The following EYS variants were observed in gnomAD, a reference collection of about 807,000 sequenced individuals.
The protein encoded by EYS is EGF-like photoreceptor maintenance factor, also known as protein eyes shut homolog.
In EYS, 250 loss-of-function variants were observed where a neutral mutation model predicts 282.1. The observed-to-expected ratio is 0.89, with a 90% CI of 0.80 to 0.98. The LOEUF is 0.98. EYS is among the 50% of genes least tolerant of loss of function. EYS has a pLI of 0.00. For missense variants in EYS, 4,016 were observed against 3,709.0 expected, an observed-to-expected ratio of 1.08 and a Z score of -2.15; for synonymous variants, 1,355 against 1,282.9, an observed-to-expected ratio of 1.06 and a Z score of -1.20.
At chr6:65,180,895 T>C (rs1333166753) in intron 12 of EYS, among the ~76,000 whole-genome samples, 1 of 152,092 alleles carries the variant, frequency 6.6e-6, no homozygotes, top group Non-Finnish European at 1.5e-5. Context: ...CCCTCATAAA[T>C]AATGCTGCAT....
At chr6:64,701,600 A>C (rs1770793303) in intron 22 of EYS, among the ~76,000 whole-genome samples, 1 of 152,114 alleles carries the variant, frequency 6.6e-6, no homozygotes, top group African/African-American at 2.4e-5. Context: ...AACAACTTAG[A>C]AAATCAAATA....
At chr6:64,190,751 T>A (rs1226681485) in intron 31 of EYS, among the ~76,000 whole-genome samples, 1 of 152,144 alleles carries the variant, frequency 6.6e-6, no homozygotes, top group Non-Finnish European at 1.5e-5. Context: ...TAGGGTAGGA[T>A]CATAAGGTAA....
In EYS at chr6:64,123,903, A is replaced by T. The variant is rs193096593; in HGVS notation, c.6425-41901T>A. Among the ~76,000 whole-genome samples the T allele has an allele frequency of 7.2e-5, 11 of 152,308 alleles. No individual in the cohort carries two copies. In the East Asian group the frequency reaches 1.7e-3, roughly 24 times the overall value. On this transcript the variant is annotated intron_variant, in intron 31 of 42. Transcript: ENST00000503581. The stretch of plus-strand genomic sequence containing the variant: ...TTCCCATTTCCAGGCTCCAGTGAAA[A>T]TTCTTTCCTTGGGCTCAGTACATCC...
chr6:63,928,995 A>G (rs1764807907), intron 35 of EYS, among the ~76,000 whole-genome samples: 1 of 152,244 alleles, frequency 6.6e-6, no homozygotes, highest in African/African-American at 2.4e-5. Flanking sequence ...CAAGAGCATC[A>G]GTAATAATTT....
intron 13 of EYS, among the ~76,000 whole-genome samples, chr6:65,032,653 G>A (rs975544091): frequency 3.3e-5 from 5 of 151,948 alleles, no homozygotes; most frequent in Admixed American, 1.3e-4. Flanking sequence ...CCTGCAGAAC[G>A]GTGAGCTAAT....
At chr6:63,827,618 G>A (rs923763134) in intron 36 of EYS, among the ~76,000 whole-genome samples, 4 of 152,112 alleles carry the variant, frequency 2.6e-5, no homozygotes, top group Non-Finnish European at 5.9e-5. Context: ...GCCGAGGCGG[G>A]TGGATCATGA....
intron 18 of EYS, among the ~76,000 whole-genome samples, chr6:64,889,927 C>T (rs992891883): frequency 6.6e-6 from 1 of 151,868 alleles, no homozygotes; most frequent in Admixed American, 6.6e-5. Context: ...CTGGGTGGAA[C>T]GGAGCCATAT....
chr6:64,589,735 C>T (rs1766339646), intron 26 of EYS, among the ~76,000 whole-genome samples: 1 of 151,548 alleles, frequency 6.6e-6, no homozygotes, highest in African/African-American at 2.4e-5. Context: ...TAAAATGAAA[C>T]AAAAAACTTT....
intron 11 of EYS, among the ~76,000 whole-genome samples, chr6:65,315,299 A>G (rs1582132928): frequency 1.3e-5 from 2 of 152,154 alleles, no homozygotes; most frequent in African/African-American, 4.8e-5. Flanking sequence ...TGTTTATTGA[A>G]TATTAAGATA....
chr6:65,280,865 A>ATATATAT (rs35574788), intron 12 of EYS, among the ~76,000 whole-genome samples: 2 of 135,938 alleles, frequency 1.5e-5, no homozygotes, highest in Non-Finnish European at 3.1e-5. Context: ...TAAAAAAAAA[A>ATATATAT]ATATATATAT....
rs1308075779 is a variant in EYS at position 64,342,933 on chromosome 6, C to T, written c.6079-35851G>A. On this transcript the variant is annotated intron_variant, in intron 29 of 42. Transcript: ENST00000503581. ...AGTCTTGGATAAAACAGACTTTAAA[C>T]CAACAAACATCAAAAGAGACAAAGA... Among the ~76,000 whole-genome samples, 4 of 151,888 alleles carry T rather than the reference C, an allele frequency of 2.6e-5. No individual in the cohort carries two copies. The East Asian group carries it at 5.8e-4, about 22-fold the overall frequency.
At chr6:65,661,883 A>T (rs573482642) in intron 1 of EYS, among the ~76,000 whole-genome samples, 14 of 152,250 alleles carry the variant, frequency 9.2e-5, no homozygotes, top group African/African-American at 3.4e-4. Flanking sequence ...AAAACTTTGA[A>T]TTCCTACTTA....
At chr6:64,865,240 A>G (rs1766391952) in intron 19 of EYS, among the ~76,000 whole-genome samples, 1 of 152,126 alleles carries the variant, frequency 6.6e-6, no homozygotes, top group South Asian at 2.1e-4. Flanking sequence ...AAAAAATTGC[A>G]TATATATACA....
intron 2 of EYS, among the ~76,000 whole-genome samples, chr6:65,513,338 C>T (rs1246152728): frequency 6.6e-6 from 1 of 152,090 alleles, no homozygotes; most frequent in Non-Finnish European, 1.5e-5. Context: ...CAGATGGATT[C>T]ACAGCTGAAT....
At chr6:64,691,401 A>G (rs1194222714) in intron 22 of EYS, among the ~76,000 whole-genome samples, 4 of 152,236 alleles carry the variant, frequency 2.6e-5, no homozygotes, top group African/African-American at 4.8e-5. Flanking sequence ...ACAGCTAATA[A>G]TAACTAATGA....
At chr6:63,831,819 A>T (rs1051907351) in intron 36 of EYS, among the ~76,000 whole-genome samples, 1 of 152,222 alleles carries the variant, frequency 6.6e-6, no homozygotes, top group African/African-American at 2.4e-5. Context: ...TTTGGAAGTA[A>T]AGCACTCCTC....
At position 64,000,787 on chromosome 6, in the gene EYS, G is replaced by T. The variant is rs370000773; in HGVS notation, c.6726-1604C>A. On this transcript the variant is annotated intron_variant, in intron 33 of 42. Transcript: ENST00000503581. ...TGATCCTTCCAGTAAATTATTCCAC[G>T]GCTGTTTTGGCTTCCACTTTAGCTT... Among the ~76,000 whole-genome samples, 86 of 152,058 alleles carry T rather than the reference G, an allele frequency of 5.7e-4. 1 individual carries two copies. The highest frequency in any genetic ancestry group is 3.4e-3 in the Middle Eastern group (1 of 294).
intron 26 of EYS, among the ~76,000 whole-genome samples, chr6:64,550,733 T>G (rs1040942662): frequency 5.3e-5 from 8 of 152,094 alleles, no homozygotes; most frequent in Non-Finnish European, 8.8e-5. Context: ...GCCCAAAATC[T>G]CCTTAAGCTG....
chr6:64,007,359 A>T (rs1768398804), intron 33 of EYS, among the ~76,000 whole-genome samples: 1 of 146,654 alleles, frequency 6.8e-6, no homozygotes, highest in African/African-American at 2.5e-5. Flanking sequence ...GTTATCTCTG[A>T]TTGTGTTTGA....
Sources: allele counts gnomAD v4.1 joint callset (sites outside exome capture counted in the v4.1 genomes callset), GRCh38; gene constraint gnomAD v4.1.1; transcripts MANE v1.5; gene names NCBI Gene and HGNC (gene_info 2026-07-23, HGNC 2026-07-21).